Variants in ABCC9 observed in about 807,000 individuals in gnomAD.
ABCC9 encodes the protein ATP-binding cassette sub-family C member 9.
Under a neutral mutation model 188.3 loss-of-function variants are expected in ABCC9, and 95 were observed. The ratio of observed to expected loss-of-function variants is 0.50; its 90% CI spans 0.43 to 0.60. The LOEUF is 0.60. Among genes scored for constraint, ABCC9 ranks in the 20% least tolerant of loss-of-function variants. ABCC9 has a pLI of 0.00. For synonymous variants in ABCC9, 659 were observed against 652.7 expected (o/e 1.01, Z -0.15); for missense variants, 1,102 against 1,876.3 (o/e 0.59, Z 7.62).
intron 14 of ABCC9, among the ~76,000 whole-genome samples, chr12:21,890,409 A>G (rs559719688): frequency 8.5e-5 from 13 of 152,222 alleles, no homozygotes; most frequent in Non-Finnish European, 1.3e-4. Context: ...TAATCTCCTG[A>G]AGATACCAAG....
chr12:21,869,016 AT>A (rs1234224377), intron 18 of ABCC9, among the ~76,000 whole-genome samples: 5 of 152,200 alleles, frequency 3.3e-5, no homozygotes, highest in African/African-American at 1.2e-4. Flanking sequence ...TATGAAAAAA[AT>A]AAGTAATTCT....
intron 5 of ABCC9, among the ~76,000 whole-genome samples, 183 bp from the exon 6 acceptor site, chr12:21,917,286 G>A (rs1948636683): frequency 6.6e-6 from 1 of 152,118 alleles, no homozygotes; most frequent in Non-Finnish European, 1.5e-5. Context: ...TGAGTTGAAG[G>A]AGTAATAACT....
chr12:21,902,206 A>C (rs1358582845), intron 12 of ABCC9, among the ~76,000 whole-genome samples: 1 of 152,250 alleles, frequency 6.6e-6, no homozygotes, highest in African/African-American at 2.4e-5. Flanking sequence ...CACTGGGTAC[A>C]TAACGAAATG....
At chr12:21,927,144 A>G (rs1158041947) in intron 4 of ABCC9, among the ~76,000 whole-genome samples, 2 of 152,238 alleles carry the variant, frequency 1.3e-5, no homozygotes, top group Non-Finnish European at 2.9e-5. Context: ...GCATGAAACA[A>G]TACAACATGT....
At chr12:21,873,457 G>A (rs962813168) in intron 17 of ABCC9, among the ~76,000 whole-genome samples, 2 of 152,050 alleles carry the variant, frequency 1.3e-5, no homozygotes, top group Non-Finnish European at 2.9e-5. Context: ...CTTAGGGTCT[G>A]GAAGAATTAA....
intron 12 of ABCC9, among the ~76,000 whole-genome samples, chr12:21,896,167 A>G (rs1020126872): frequency 7.6e-5 from 11 of 145,674 alleles, no homozygotes; most frequent in African/African-American, 2.8e-4. Flanking sequence ...GGTTAGTTAC[A>G]TATGTATACA....
chr12:21,860,650 C>G (rs1300013371), intron 21 of ABCC9, among the ~76,000 whole-genome samples: 2 of 152,110 alleles, frequency 1.3e-5, no homozygotes, highest in African/African-American at 4.8e-5. Context: ...GGAAAGTAAT[C>G]TTAGTTTCAA....
intron 5 of ABCC9, chr12:21,923,921 A>G: frequency 1.5e-6 from 1 of 665,342 alleles, no homozygotes; most frequent in Non-Finnish European, 2.7e-6. Flanking sequence ...TATACAATGA[A>G]ATGCAACAAT....
Position 21,936,649 on chromosome 12 carries a change from T to C in ABCC9, c.26A>G (p.Asn9Ser), listed in dbSNP as rs776881654. 6.2e-7 allele frequency: 1 copy of C among 1,611,322 alleles called. No individual in the cohort carries two copies. Among genetic ancestry groups the C allele is most frequent in the African/African-American group, 1.3e-5 (1 of 74,862 alleles). The change falls in exon 3 of 40, where the codon AAC becomes AGC. Residue 9 changes from asparagine to serine, a missense_variant. Coordinates refer to ENST00000261200, the MANE Select transcript of ABCC9 (RefSeq NM_020297.4). MSLSFCGN[N>S]ISSYNINDGV... ...ATCGTTGATATTATATGAAGAAATGTTGTTACCACAAAATGAAAGGCTCAT... is the reference window on the plus strand; with the variant it reads ...ATCGTTGATATTATATGAAGAAATGCTGTTACCACAAAATGAAAGGCTCAT...
At chr12:21,815,714 C>A in intron 34 of ABCC9, 49 bp downstream of exon 34, 1 of 1,604,806 alleles carries the variant, frequency 6.2e-7, no homozygotes, top group Non-Finnish European at 8.5e-7. Context: ...AAAGCAGACT[C>A]CCTCAGAGGT....
intron 8 of ABCC9, among the ~76,000 whole-genome samples, chr12:21,912,163 G>A (rs1215675006): frequency 1.3e-5 from 2 of 151,942 alleles, no homozygotes; most frequent in African/African-American, 4.8e-5. Flanking sequence ...ATACGTGATG[G>A]AAAGAGGACA....
Position 21,936,717 on chromosome 12 carries a change from A to G in ABCC9, c.-20-23T>C, listed in dbSNP as rs766056327. ...ACTCTAAAAGGGAGAGAAATGAGAA[A>G]GAAAAATCCTCTTATTAGTAAACTC... On this transcript the variant is annotated intron_variant, in intron 2 of 39. Coordinates refer to ENST00000261200, the MANE Select transcript of ABCC9 (RefSeq NM_020297.4). The G allele has an allele frequency of 5.8e-6, 9 of 1,542,076 alleles. No individual in the cohort carries two copies. In the South Asian group the frequency reaches 1.0e-4, roughly 18 times the overall value.
chr12:21,930,179 T>G (rs1219627058), intron 4 of ABCC9, among the ~76,000 whole-genome samples: 1 of 152,148 alleles, frequency 6.6e-6, no homozygotes, highest in Admixed American at 6.5e-5. Flanking sequence ...TATGGCTGCA[T>G]AGTATTCCAT....
chr12:21,868,843 ATTAGC>A (rs1394795524), intron 18 of ABCC9, among the ~76,000 whole-genome samples: 1 of 152,180 alleles, frequency 6.6e-6, no homozygotes, highest in African/African-American at 2.4e-5. Context: ...TAATTTCTAA[ATTAGC>A]TTAGCTTTAA....
rs571864669 is a variant in ABCC9 at position 21,834,096 on chromosome 12, A to C, written c.3566+3982T>G. On this transcript the variant is annotated intron_variant, in intron 30 of 39. Transcript: ENST00000261200. ...CCACTTTATCATTACTGTTCTTGCT[A>C]AGGTTATCAATAGCTTCATGGTTGC... Among the ~76,000 whole-genome samples the C allele has an allele frequency of 3.3e-5, 5 of 152,292 alleles. No individual in the cohort carries two copies. In the East Asian group the frequency reaches 9.7e-4, roughly 29 times the overall value.
Position 21,862,938 on chromosome 12 carries a change from T to C in ABCC9, c.2339+15A>G. 1 of 1,542,286 alleles carries C rather than the reference T, an allele frequency of 6.5e-7. No individual in the cohort carries two copies. Among genetic ancestry groups the C allele is most frequent in the Non-Finnish European group, 9.0e-7 (1 of 1,115,202 alleles). ...GTTGCCATTTTGGTTCTAAATTTTATATGCTCAAAATTACCTCTGTTTGTT... is the reference window on the plus strand; with the variant it reads ...GTTGCCATTTTGGTTCTAAATTTTACATGCTCAAAATTACCTCTGTTTGTT... On this transcript the variant is annotated intron_variant, in intron 20 of 39. Transcript: ENST00000261200.
intron 29 of ABCC9, among the ~76,000 whole-genome samples, chr12:21,841,277 A>AT (rs1473897503): frequency 8.6e-5 from 12 of 139,626 alleles, no homozygotes; most frequent in South Asian, 6.7e-4. Flanking sequence ...CTAAACGAAT[A>AT]TTTTTTTTCC....
rs1941334507 is a variant in ABCC9 at position 21,799,523 on chromosome 12, T to C, written c.*1521A>G. ...TTATATACACAACAAAAGGTTACAATTTAAGCTAAATATCATGGACCATTT... is the reference window on the plus strand; with the variant it reads ...TTATATACACAACAAAAGGTTACAACTTAAGCTAAATATCATGGACCATTT... On this transcript the variant is annotated 3_prime_UTR_variant, in exon 40 of 40. Coordinates refer to ENST00000261200, the MANE Select transcript of ABCC9 (RefSeq NM_020297.4). The C allele has an allele frequency of 6.6e-6, 1 of 152,192 alleles. No homozygotes were observed. Among genetic ancestry groups the C allele is most frequent in the Admixed American group, 6.5e-5 (1 of 15,278 alleles). The allele number at this position is 152,192 out of a possible 1,614,324, so 9.4% of individuals were successfully genotyped here. A position where few individuals can be genotyped will look rare whatever the true frequency, so the allele number is the denominator to read the frequency against.
At chr12:21,895,245 C>T in intron 13 of ABCC9, 30 bp downstream of exon 13, 1 of 1,596,102 alleles carries the variant, frequency 6.3e-7, no homozygotes. Context: ...GACTTGGTTT[C>T]ATTTCTAAAA....
Sources: gnomAD v4.1 joint callset for allele counts (sites outside exome capture counted in the v4.1 genomes callset) on GRCh38, gnomAD v4.1.1 for gene constraint, MANE v1.5 for transcripts, NCBI Gene and HGNC (gene_info 2026-07-23, HGNC 2026-07-21) for gene names.